Variants in SLC15A4 observed in about 807,000 individuals in gnomAD.
The protein encoded by SLC15A4 is hPHT1.
Under a neutral mutation model 46.1 loss-of-function variants are expected in SLC15A4, and 26 were observed. The ratio of observed to expected loss-of-function variants is 0.56; its 90% CI spans 0.41 to 0.78. SLC15A4 has a LOEUF of 0.78. SLC15A4 is among the 30% of genes least tolerant of loss of function. The pLI is 0.00. For synonymous variants in SLC15A4, 370 were observed against 333.4 expected (o/e 1.11, Z -1.20); for missense variants, 751 against 755.7 (o/e 0.99, Z 0.07).
At chr12:128,808,280 GGGA>G (rs1955613099) in intron 5 of SLC15A4, among the ~76,000 whole-genome samples, 1 of 152,188 alleles carries the variant, frequency 6.6e-6, no homozygotes, top group African/African-American at 2.4e-5. Context: ...TATCTGTAGC[GGGA>G]GGAGATGCTG....
At chr12:128,794,494 A>G (rs1955423041) in intron 7 of SLC15A4, 138 bp from the exon 8 acceptor site, 1 of 822,208 alleles carries the variant, frequency 1.2e-6, no homozygotes, top group African/African-American at 1.7e-5. Context: ...TCTGTAGTCC[A>G]AAATGCACAA....
At chr12:128,799,935 T>C (rs1955495623) in intron 6 of SLC15A4, among the ~76,000 whole-genome samples, 2 of 152,090 alleles carry the variant, frequency 1.3e-5, no homozygotes, top group Admixed American at 6.6e-5. Flanking sequence ...TCCGCCTCCC[T>C]GGTTCAAGCG....
intron 1 of SLC15A4, chr12:128,815,273 G>A: frequency 2.8e-6 from 1 of 351,136 alleles, no homozygotes; most frequent in East Asian, 4.2e-5. Context: ...TTGCTAGGTA[G>A]GTTTCACTTA....
Position 128,800,962 on chromosome 12 carries a change from T to A in SLC15A4, c.1306A>T (p.Asn436Tyr). 1 of 1,614,000 alleles carries A rather than the reference T, an allele frequency of 6.2e-7. No individual in the cohort carries two copies. Among genetic ancestry groups the A allele is most frequent in the Admixed American group, 1.7e-5 (1 of 59,928 alleles). ...TAGACGACGTTGCCGATGGTCTGAT[T>A]AATGGTTTTCTCTTTAACAAGGTTC... ...RLNLVKEKTI[N>Y]QTIGNVVYHA... The change falls in exon 6 of 8, where the codon AAT (asparagine) becomes TAT (tyrosine). Residue 436 changes from asparagine (N) to tyrosine (Y), a missense_variant. By Grantham distance (143) the Asn-to-Tyr change is moderately radical. Coordinates refer to ENST00000266771, the MANE Select transcript of SLC15A4 (RefSeq NM_145648.4).
chr12:128,801,303 C>T (rs1018930186), intron 5 of SLC15A4: 4 of 244,392 alleles, frequency 1.6e-5, no homozygotes, highest in Admixed American at 5.1e-5. Context: ...GGATTGCTCA[C>T]CCATACCTCG....
chr12:128,817,867 C>T (rs1955780959), intron 1 of SLC15A4, among the ~76,000 whole-genome samples: 1 of 152,214 alleles, frequency 6.6e-6, no homozygotes, highest in Admixed American at 6.5e-5. Flanking sequence ...GAGCAGGCCA[C>T]AACCTCCTGC....
intron 1 of SLC15A4, 86 bp downstream of exon 1, chr12:128,823,312 A>T: frequency 8.0e-7 from 1 of 1,243,980 alleles, no homozygotes; most frequent in Non-Finnish European, 1.0e-6. Context: ...CTCCGCGGTC[A>T]GAGGCAGGGA....
intron 7 of SLC15A4, among the ~76,000 whole-genome samples, chr12:128,795,943 G>A (rs915831386): frequency 1.3e-5 from 2 of 152,248 alleles, no homozygotes; most frequent in African/African-American, 4.8e-5. Context: ...AGGGGAGCGA[G>A]TGCTCTGGAA....
chr12:128,800,924 AT>A lies in SLC15A4; in HGVS notation c.1343del (p.Asp448ValfsTer13). ...TIGNVVYHAA[D>X]LSLWWQVPQY... ...GCGGCACCTGCCACCACAGCGACAGATCGGCAGCATGGTAGACGACGTTGCC... is the reference window on the plus strand; with the variant it reads ...GCGGCACCTGCCACCACAGCGACAGACGGCAGCATGGTAGACGACGTTGCC... On this transcript the variant is annotated frameshift_variant, in exon 6 of 8. Transcript: ENST00000266771. LOFTEE classifies it high-confidence loss of function. The A allele has an allele frequency of 6.2e-7, 1 of 1,614,170 alleles. No individual in the cohort carries two copies. Among genetic ancestry groups the A allele is most frequent in the Non-Finnish European group, 8.5e-7 (1 of 1,180,022 alleles).
chr12:128,803,706 C>G (rs1047124773), intron 5 of SLC15A4, among the ~76,000 whole-genome samples: 1 of 150,396 alleles, frequency 6.6e-6, no homozygotes, highest in Non-Finnish European at 1.5e-5. Context: ...AACAGGTAGA[C>G]GAAAAAAAAA....
chr12:128,817,631 A>G (rs114215839), intron 1 of SLC15A4, among the ~76,000 whole-genome samples: 2,403 of 152,312 alleles, frequency 0.016, 50 homozygotes, highest in African/African-American at 0.054. Flanking sequence ...GAAGCATGAA[A>G]ATATCAGCAT....
Position 128,799,362 on chromosome 12 carries a change from G to A in SLC15A4, c.1470C>T (p.Gly490=), listed in dbSNP as rs201243240. 10 of 1,614,142 alleles carry A rather than the reference G, an allele frequency of 6.2e-6. No homozygotes were observed. The East Asian group carries it at 2.0e-4, about 32-fold the overall frequency. ...CGACGCCAGAGAAGAAAAAGAACAA[G>A]CCCATTATGGCACTCTGCATGGACT... The part of the protein sequence containing the change: ...APKSMQSAIM[G]LFFFFSGVGS... The change falls in exon 7 of 8, where the codon GGC becomes GGT. Residue 490 remains glycine (G), a synonymous_variant. Coordinates refer to ENST00000266771, the MANE Select transcript of SLC15A4 (RefSeq NM_145648.4).
At chr12:128,823,343 G>A (rs1034905318) in intron 1 of SLC15A4, 55 bp downstream of exon 1, 2 of 1,337,744 alleles carry the variant, frequency 1.5e-6, no homozygotes, top group Admixed American at 3.9e-5. Flanking sequence ...GGAAGAGGCT[G>A]GGGCTGGGCA....
chr12:128,796,241 C>T (rs12814773), intron 7 of SLC15A4, among the ~76,000 whole-genome samples: 80,282 of 151,594 alleles, frequency 0.53, 21,891 homozygotes, highest in Non-Finnish European at 0.61. Flanking sequence ...CTGGCCAACA[C>T]GATGAAACCC....
intron 6 of SLC15A4, 39 bp downstream of exon 6, chr12:128,800,815 T>C (rs375191572): frequency 1.7e-5 from 27 of 1,583,796 alleles, no homozygotes; most frequent in Non-Finnish European, 2.2e-5. Context: ...CTCACGCTTG[T>C]GCCTGGACTC....
chr12:128,805,042 T>C (rs1334089825), intron 5 of SLC15A4, among the ~76,000 whole-genome samples: 1 of 152,162 alleles, frequency 6.6e-6, no homozygotes, highest in African/African-American at 2.4e-5. Flanking sequence ...GGGTTTGTCT[T>C]CTAAAACGCA....
intron 1 of SLC15A4, among the ~76,000 whole-genome samples, chr12:128,818,420 G>A (rs1955788358): frequency 6.6e-6 from 1 of 152,122 alleles, no homozygotes; most frequent in Non-Finnish European, 1.5e-5. Flanking sequence ...ATACAAACAG[G>A]TTTCCTCTAA....
In SLC15A4 at chr12:128,794,223, A is replaced by G. The variant is rs767896770; in HGVS notation, c.1707T>C (p.Asn569=). Residue 569 remains asparagine (N), a synonymous_variant, in exon 8 of 8, where the codon AAT becomes AAC. Transcript: ENST00000266771. ...AGGCCCTCCTGCTGGTGGGCACGCC[A>G]TTGGCTCTTGATCGCTGATGGTCTC... ...HHRDHQRSRA[N]GVPTSRRA is the part of the protein sequence containing the mutation. 6.2e-7 allele frequency: 1 copy of G among 1,613,530 alleles called. No individual in the cohort carries two copies. Among genetic ancestry groups the G allele is most frequent in the South Asian group, 1.1e-5 (1 of 91,050 alleles).
chr12:128,816,166 T>C (rs1955748766), intron 1 of SLC15A4, among the ~76,000 whole-genome samples: 2 of 152,206 alleles, frequency 1.3e-5, no homozygotes, highest in Non-Finnish European at 2.9e-5. Context: ...TCTAGGCTTA[T>C]GGAGTTCACG....
Sources: gnomAD v4.1 joint callset for allele counts (sites outside exome capture counted in the v4.1 genomes callset) on GRCh38, gnomAD v4.1.1 for gene constraint, MANE v1.5 for transcripts, NCBI Gene and HGNC (gene_info 2026-07-23, HGNC 2026-07-21) for gene names.